SRPK2: variants seen among roughly 807,000 people sequenced by gnomAD.
SRPK2 encodes the protein SFRS protein kinase 2.
Under a neutral mutation model 90.8 loss-of-function variants are expected in SRPK2, and 21 were observed. That is an observed-to-expected ratio of 0.23 (90% CI 0.16 to 0.33). SRPK2 has a LOEUF of 0.33. Ranked by LOEUF, SRPK2 falls within the 10% of genes least tolerant of loss-of-function variation. The pLI is 1.00. For synonymous variants in SRPK2, 288 were observed against 311.1 expected, an observed-to-expected ratio of 0.93 and a Z score of 0.78; for missense variants, 620 against 869.0, an observed-to-expected ratio of 0.71 and a Z score of 3.60.
At chr7:105,212,218 A>G (rs1796944095) in intron 2 of SRPK2, among the ~76,000 whole-genome samples, 1 of 152,238 alleles carries the variant, frequency 6.6e-6, no homozygotes, top group Non-Finnish European at 1.5e-5. Context: ...ACTGACAGAA[A>G]AGTTAAACCA....
rs1805504942 is a variant in SRPK2 at position 105,269,228 on chromosome 7, T to C, written c.72-65443A>G. Among the ~76,000 whole-genome samples, 4 of 152,136 alleles carry C rather than the reference T, an allele frequency of 2.6e-5. 1 individual carries two copies. In the South Asian group the frequency reaches 6.2e-4, roughly 24 times the overall value. On this transcript the variant is annotated intron_variant, in intron 2 of 15. Transcript: ENST00000393651. ...ATCTGAATTAAATATACTAGATAATTTGAGAAGCCTGGGTAATCACGTCAC... is the reference window on the plus strand; with the variant it reads ...ATCTGAATTAAATATACTAGATAATCTGAGAAGCCTGGGTAATCACGTCAC...
intron 2 of SRPK2, among the ~76,000 whole-genome samples, chr7:105,340,827 A>C (rs1815682024): frequency 6.6e-6 from 1 of 152,210 alleles, no homozygotes; most frequent in Non-Finnish European, 1.5e-5. Flanking sequence ...TCAAGCTTTC[A>C]AGAGAATCAG....
intron 3 of SRPK2, among the ~76,000 whole-genome samples, chr7:105,170,947 GAA>G (rs1411992715): frequency 2.8e-5 from 1 of 35,950 alleles, no homozygotes; most frequent in African/African-American, 9.1e-5. Flanking sequence ...AAGAAAGAAA[GAA>G]AGAAAGAAAG....
Position 105,294,383 on chromosome 7 carries a change from G to A in SRPK2, c.72-90598C>T, listed in dbSNP as rs150288959. Among the ~76,000 whole-genome samples the A allele has an allele frequency of 2.3e-3, 347 of 152,166 alleles. 1 individual carries two copies. Among genetic ancestry groups the A allele is most frequent in the Non-Finnish European group, 3.4e-3 (234 of 68,006 alleles). On this transcript the variant is annotated intron_variant, in intron 2 of 15. Transcript: ENST00000393651. The stretch of plus-strand genomic sequence containing the variant: ...TTTTGTCGATCCAGTTCCCTAAACC[G>A]TCTCTTCAGAGGTTTTGGTGAAAAA...
intron 2 of SRPK2, among the ~76,000 whole-genome samples, chr7:105,345,094 C>T (rs1816300160): frequency 6.6e-6 from 1 of 151,408 alleles, no homozygotes; most frequent in Non-Finnish European, 1.5e-5. Flanking sequence ...CAAGATCGCA[C>T]CATTGCACTC....
intron 2 of SRPK2, among the ~76,000 whole-genome samples, chr7:105,213,961 T>C (rs1797154992): frequency 1.3e-5 from 2 of 152,236 alleles, no homozygotes; most frequent in African/African-American, 4.8e-5. Flanking sequence ...CAGTCAACTT[T>C]CTACCTTCTA....
At chr7:105,148,311 G>A (rs1325487876) in intron 7 of SRPK2, among the ~76,000 whole-genome samples, 3 of 151,978 alleles carry the variant, frequency 2.0e-5, no homozygotes, top group Non-Finnish European at 4.4e-5. Flanking sequence ...AAATAGCCTT[G>A]GTATCTAGAC....
chr7:105,125,765 TG>T, intron 15 of SRPK2: 1 of 1,170,034 alleles, frequency 8.5e-7, no homozygotes, highest in Non-Finnish European at 1.1e-6. Flanking sequence ...AAATTAGTGT[TG>T]CATAAATACC....
intron 2 of SRPK2, among the ~76,000 whole-genome samples, chr7:105,263,574 C>T (rs1020188532): frequency 1.1e-4 from 16 of 152,102 alleles, no homozygotes; most frequent in Admixed American, 2.6e-4. Flanking sequence ...AAAACAGATA[C>T]AACTGAACTG....
intron 11 of SRPK2, among the ~76,000 whole-genome samples, chr7:105,137,902 C>A (rs749876755): frequency 2.0e-5 from 3 of 152,176 alleles, no homozygotes; most frequent in Non-Finnish European, 4.4e-5. Flanking sequence ...TAGGCTTATA[C>A]CCCTTCCCAT....
At chr7:105,208,752 T>G (rs1563084912) in intron 2 of SRPK2, among the ~76,000 whole-genome samples, 1 of 152,098 alleles carries the variant, frequency 6.6e-6, no homozygotes, top group Admixed American at 6.5e-5. Flanking sequence ...GTGAACATAA[T>G]AAAAAACACT....
intron 2 of SRPK2, chr7:105,269,222 G>A: frequency 2.4e-6 from 1 of 416,366 alleles, no homozygotes; most frequent in Non-Finnish European, 3.2e-6. Flanking sequence ...AAATATACTA[G>A]ATAATTTGAG....
chr7:105,167,251 AC>A (rs961732340), intron 6 of SRPK2, 125 bp downstream of exon 6: 8 of 710,902 alleles, frequency 1.1e-5, no homozygotes, highest in Non-Finnish European at 1.8e-5. Context: ...ACTTCATAAT[AC>A]TTGACAATGT....
At chr7:105,148,281 G>A (rs960640875) in intron 7 of SRPK2, among the ~76,000 whole-genome samples, 3 of 152,132 alleles carry the variant, frequency 2.0e-5, no homozygotes, top group Non-Finnish European at 4.4e-5. Context: ...GCAAGAGAAG[G>A]GGGGCTTGAT....
intron 2 of SRPK2, among the ~76,000 whole-genome samples, chr7:105,315,751 G>A (rs1445019028): frequency 6.6e-6 from 1 of 152,166 alleles, no homozygotes; most frequent in East Asian, 1.9e-4. Context: ...CCTTTGGCAA[G>A]TCCAGATATA....
At chr7:105,170,843 GAAAGAAAGAAAGA>G (rs1790802465) in intron 3 of SRPK2, among the ~76,000 whole-genome samples, 1 of 10,046 alleles carries the variant, frequency 1.0e-4, no homozygotes, top group Non-Finnish European at 2.3e-4. Flanking sequence ...AAGGAAGAAA[GAAAGAAAGAAAGA>G]AAGAAAGAAA....
intron 2 of SRPK2, chr7:105,333,019 C>A (rs1296965232): frequency 6.6e-6 from 1 of 152,180 alleles, no homozygotes; most frequent in East Asian, 1.9e-4. Flanking sequence ...CATGGTAAAA[C>A]CCTATCTCTA....
At chr7:105,244,644 C>A in intron 2 of SRPK2, 4 of 798,620 alleles carry the variant, frequency 5.0e-6, no homozygotes, top group South Asian at 1.4e-5. Context: ...CTTTGGAGAG[C>A]AGCAGCCCTG....
intron 3 of SRPK2, among the ~76,000 whole-genome samples, chr7:105,169,769 A>G (rs1790565473): frequency 1.3e-5 from 2 of 152,188 alleles, no homozygotes; most frequent in South Asian, 2.1e-4. Flanking sequence ...TAATTTAAAG[A>G]GGCAATGAAC....
Sources: allele counts gnomAD v4.1 joint callset (sites outside exome capture counted in the v4.1 genomes callset), GRCh38; gene constraint gnomAD v4.1.1; transcripts MANE v1.5; gene names NCBI Gene and HGNC (gene_info 2026-07-23, HGNC 2026-07-21).